The following ACOXL variants were observed in gnomAD, a reference collection of about 807,000 sequenced individuals.
ACOXL encodes the protein acyl-CoA oxidase like.
A neutral mutation model predicts 71.9 loss-of-function variants in ACOXL; 70 were observed. That is an observed-to-expected ratio of 0.97 (90% CI 0.80 to 1.19). The LOEUF (loss-of-function observed/expected upper bound fraction) is 1.19. ACOXL is among the 50% of genes most tolerant of loss of function. The probability of loss-of-function intolerance (pLI) is 0.00; values close to 1 mark genes in which losing one functional copy is unlikely to be tolerated. For missense variants in ACOXL, 703 were observed against 736.3 expected (o/e 0.95, Z 0.52); for synonymous variants, 253 against 281.6 (o/e 0.90, Z 1.02).
chr2:110,864,221 T>C (rs1276743203), intron 10 of ACOXL, among the ~76,000 whole-genome samples: 1 of 152,072 alleles, frequency 6.6e-6, no homozygotes, highest in Non-Finnish European at 1.5e-5. Context: ...TCCCAGAGCA[T>C]CTCCCATAGT....
chr2:111,004,683 G>A (rs544606484), intron 14 of ACOXL, among the ~76,000 whole-genome samples: 2 of 152,274 alleles, frequency 1.3e-5, no homozygotes, highest in African/African-American at 4.8e-5. Context: ...ACAATGGCTT[G>A]TCATCCAGGA....
At chr2:110,817,189 A>G (rs1470031068) in intron 9 of ACOXL, among the ~76,000 whole-genome samples, 1 of 152,192 alleles carries the variant, frequency 6.6e-6, no homozygotes, top group Non-Finnish European at 1.5e-5. Flanking sequence ...CCACGTGCTG[A>G]TGGTCTCCCG....
chr2:110,754,759 TTGA>T (rs1679448729), intron 1 of ACOXL, among the ~76,000 whole-genome samples: 3 of 152,214 alleles, frequency 2.0e-5, no homozygotes, highest in Admixed American at 2.0e-4. Context: ...TTTCCAGTTT[TTGA>T]TGATTGCAAA....
intron 3 of ACOXL, among the ~76,000 whole-genome samples, chr2:110,789,787 A>T (rs186587704): frequency 5.3e-5 from 8 of 152,306 alleles, no homozygotes; most frequent in Non-Finnish European, 1.0e-4. Context: ...CCAGTTTTCC[A>T]TTTGTGGAAA....
chr2:110,987,196 T>G lies in ACOXL; in HGVS notation c.1148T>G (p.Val383Gly), dbSNP rs755221727. 3 of 1,575,504 alleles carry G rather than the reference T, an allele frequency of 1.9e-6. No homozygotes were observed. The highest frequency in any genetic ancestry group is 1.7e-4 in the Middle Eastern group (1 of 6,020). ...FGLLQNWAES[V>G]GDKLRTSFLA... Reference sequence around the variant, plus strand: ...CTGCTCCAAAACTGGGCTGAATCTGTGGGGGACAAGCTGAGAACCAGGTAC... The same window carrying G: ...CTGCTCCAAAACTGGGCTGAATCTGGGGGGGACAAGCTGAGAACCAGGTAC... Residue 383 changes from valine (V) to glycine (G), a missense_variant, in exon 13 of 18, where the codon GTG (valine) becomes GGG (glycine). Val to Gly is a moderately radical substitution (Grantham distance 109). Coordinates refer to ENST00000439055, the MANE Select transcript of ACOXL (RefSeq NM_001142807.4).
At chr2:111,005,848 C>T (rs997486022) in intron 14 of ACOXL, among the ~76,000 whole-genome samples, 11 of 152,122 alleles carry the variant, frequency 7.2e-5, no homozygotes, top group African/African-American at 2.4e-4. Flanking sequence ...TCAGAAGTGC[C>T]ATTGATGATG....
chr2:110,900,385 G>A (rs938798001), intron 10 of ACOXL, among the ~76,000 whole-genome samples: 1 of 152,138 alleles, frequency 6.6e-6, no homozygotes, highest in African/African-American at 2.4e-5. Flanking sequence ...CAGAGTTAAT[G>A]GTAATGACTC....
intron 10 of ACOXL, among the ~76,000 whole-genome samples, chr2:110,842,066 T>C (rs1691239980): frequency 6.6e-6 from 1 of 152,200 alleles, no homozygotes; most frequent in Non-Finnish European, 1.5e-5. Flanking sequence ...CCTGTGGTCA[T>C]AGGCTTCGGG....
chr2:111,048,370 T>C (rs1033211674), intron 15 of ACOXL, among the ~76,000 whole-genome samples: 2 of 152,234 alleles, frequency 1.3e-5, no homozygotes, highest in African/African-American at 2.4e-5. Flanking sequence ...AAGGCTAAAC[T>C]AGTTGGGTTA....
intron 12 of ACOXL, among the ~76,000 whole-genome samples, chr2:110,982,661 G>A (rs748453747): frequency 2.0e-5 from 3 of 152,302 alleles, no homozygotes; most frequent in African/African-American, 4.8e-5. Context: ...CTTGCCAGAT[G>A]TAGGAAAAAG....
chr2:110,771,192 GCTCAT>G (rs1306141645), intron 2 of ACOXL, among the ~76,000 whole-genome samples: 3 of 152,172 alleles, frequency 2.0e-5, no homozygotes, highest in Non-Finnish European at 4.4e-5. Context: ...AGTGCGGCAG[GCTCAT>G]CTCGCTGGGC....
chr2:110,863,055 CAG>C (rs575101416), intron 10 of ACOXL, among the ~76,000 whole-genome samples: 3 of 152,296 alleles, frequency 2.0e-5, no homozygotes, highest in African/African-American at 7.2e-5. Flanking sequence ...CTAATTCTCT[CAG>C]AGAAAATGAA....
At chr2:110,999,874 G>A (rs2063545878) in intron 14 of ACOXL, among the ~76,000 whole-genome samples, 1 of 152,160 alleles carries the variant, frequency 6.6e-6, no homozygotes, top group Non-Finnish European at 1.5e-5. Context: ...CCTCATGAGA[G>A]TCCCTGAGCC....
At chr2:110,905,885 C>G (rs1476082391) in intron 10 of ACOXL, among the ~76,000 whole-genome samples, 1 of 152,188 alleles carries the variant, frequency 6.6e-6, no homozygotes, top group Non-Finnish European at 1.5e-5. Context: ...CATAACTCCT[C>G]TCTGTCAGCA....
At chr2:111,045,641 C>A (rs1047240821) in intron 15 of ACOXL, among the ~76,000 whole-genome samples, 27 of 152,268 alleles carry the variant, frequency 1.8e-4, no homozygotes, top group African/African-American at 5.5e-4. Flanking sequence ...TAATGGTTTT[C>A]ACCCCCTCTT....
rs555891853 is a variant in ACOXL, at chr2:111,042,909, C to T, written c.1370-6309C>T. ...AGAGGACAAAGATCTGCAAAGAGGT[C>T]GTGGCAGTGGGGGTCGAAAGGAGGG... On this transcript the variant is annotated intron_variant, in intron 15 of 17. Coordinates refer to ENST00000439055, the MANE Select transcript of ACOXL (RefSeq NM_001142807.4). 5.6e-4 allele frequency among the ~76,000 whole-genome samples: 86 copies of T among 152,258 alleles called. No individual in the cohort carries two copies. In the South Asian group the frequency reaches 0.017, roughly 30 times the overall value.
chr2:110,756,219 C>T (rs1054565356), intron 1 of ACOXL, among the ~76,000 whole-genome samples: 15 of 152,172 alleles, frequency 9.9e-5, no homozygotes, highest in Non-Finnish European at 1.3e-4. Context: ...CTCCGCCTCC[C>T]GGGTTCAAGT....
rs190382534 is a variant in ACOXL at position 110,813,132 on chromosome 2, C to T, written c.753+7737C>T. The stretch of plus-strand genomic sequence containing the variant: ...TATCTGCGTCACATTCACAGATGGG[C>T]AGCCAGAAAGCTCTTGGTAGGGTAA... On this transcript the variant is annotated intron_variant, in intron 9 of 17. Coordinates refer to ENST00000439055, the MANE Select transcript of ACOXL (RefSeq NM_001142807.4). Among the ~76,000 whole-genome samples the T allele has an allele frequency of 7.2e-5, 11 of 152,318 alleles. No individual in the cohort carries two copies. The East Asian group carries it at 2.1e-3, about 29-fold the overall frequency.
chr2:110,875,542 T>C (rs946959513), intron 10 of ACOXL, among the ~76,000 whole-genome samples: 5 of 151,936 alleles, frequency 3.3e-5, no homozygotes, highest in African/African-American at 1.2e-4. Context: ...GGGCTGTGAG[T>C]GTGTGGTCCT....
Sources: gnomAD v4.1 joint callset for allele counts (sites outside exome capture counted in the v4.1 genomes callset) on GRCh38, gnomAD v4.1.1 for gene constraint, MANE v1.5 for transcripts, NCBI Gene and HGNC (gene_info 2026-07-23, HGNC 2026-07-21) for gene names.